Variants in FRMD5 observed in about 807,000 individuals in gnomAD.
FRMD5 encodes FERM domain-containing protein 5.
A neutral mutation model predicts 69.0 loss-of-function variants in FRMD5; 20 were observed. That is an observed-to-expected ratio of 0.29 (90% CI 0.20 to 0.42). The LOEUF is 0.42. Ranked by LOEUF, FRMD5 falls within the 10% of genes least tolerant of loss-of-function variation. FRMD5 has a pLI of 1.00. For missense variants in FRMD5, 595 were observed against 708.6 expected (o/e 0.84, Z 1.82); for synonymous variants, 271 against 260.1 (o/e 1.04, Z -0.40).
intron 1 of FRMD5, among the ~76,000 whole-genome samples, chr15:43,993,836 C>T (rs1224639943): frequency 1.3e-5 from 2 of 152,036 alleles, no homozygotes; most frequent in African/African-American, 2.4e-5. Flanking sequence ...ATATAATGAC[C>T]TTGTCTCATT....
intron 1 of FRMD5, among the ~76,000 whole-genome samples, chr15:43,994,558 G>A (rs1349692775): frequency 1.3e-5 from 2 of 152,122 alleles, no homozygotes; most frequent in East Asian, 1.9e-4. Flanking sequence ...AGCCTCCTGC[G>A]TAGCTGGTAC....
At chr15:43,942,089 G>A (rs915494353) in intron 1 of FRMD5, among the ~76,000 whole-genome samples, 7 of 152,200 alleles carry the variant, frequency 4.6e-5, no homozygotes, top group African/African-American at 1.7e-4. Flanking sequence ...TGCTGGTATA[G>A]GGGTAGAGGG....
At chr15:44,109,234 T>G (rs930703176) in intron 1 of FRMD5, among the ~76,000 whole-genome samples, 1 of 152,080 alleles carries the variant, frequency 6.6e-6, no homozygotes, top group African/African-American at 2.4e-5. Flanking sequence ...TTGCATTCTT[T>G]TCATCCAGCT....
intron 10 of FRMD5, among the ~76,000 whole-genome samples, chr15:43,887,634 C>T (rs770979183): frequency 2.6e-5 from 4 of 152,202 alleles, no homozygotes; most frequent in Non-Finnish European, 4.4e-5. Flanking sequence ...CCATAGCAGC[C>T]AGCAGGCAGC....
At chr15:43,996,432 G>A (rs1256875672) in intron 1 of FRMD5, among the ~76,000 whole-genome samples, 2 of 152,122 alleles carry the variant, frequency 1.3e-5, no homozygotes, top group East Asian at 3.9e-4. Flanking sequence ...AGTGTGACGA[G>A]GGTAACGTAA....
At chr15:44,006,959 T>TA (rs1002475858) in intron 1 of FRMD5, among the ~76,000 whole-genome samples, 2 of 152,184 alleles carry the variant, frequency 1.3e-5, no homozygotes, top group East Asian at 3.8e-4. Context: ...AAAATGCAGT[T>TA]AAACAGCATT....
Position 44,058,964 on chromosome 15 carries a change from TC to T in FRMD5, c.103-134656del, listed in dbSNP as rs898083323. Among the ~76,000 whole-genome samples, 24 of 152,160 alleles carry T rather than the reference TC, an allele frequency of 1.6e-4. 1 individual carries two copies. The highest frequency in any genetic ancestry group is 5.3e-4 in the African/African-American group (22 of 41,432). On this transcript the variant is annotated intron_variant, in intron 1 of 13. Coordinates refer to ENST00000417257, the MANE Select transcript of FRMD5 (RefSeq NM_032892.5). ...AGGGGAAGCATATAGTAACTTTATT[TC>T]TGTTTGACACTAAATTTCCCCAAGC...
intron 1 of FRMD5, among the ~76,000 whole-genome samples, chr15:43,996,714 G>GTTTT (rs1491101376): frequency 1.2e-4 from 6 of 48,074 alleles, no homozygotes; most frequent in Non-Finnish European, 2.4e-4. Context: ...CTCCTCAGCT[G>GTTTT]ATTTTTTTTT....
chr15:43,931,377 G>GTCTC (rs1183128142), intron 1 of FRMD5, among the ~76,000 whole-genome samples: 5 of 151,140 alleles, frequency 3.3e-5, no homozygotes, highest in Admixed American at 3.3e-4. Context: ...TCTATTCTCT[G>GTCTC]TCTCTCTCTC....
intron 1 of FRMD5, among the ~76,000 whole-genome samples, chr15:43,993,606 G>A (rs897562699): frequency 6.6e-5 from 10 of 152,222 alleles, no homozygotes; most frequent in Admixed American, 4.6e-4. Context: ...TCGATGTAAA[G>A]TACAGTTTAA....
rs775430626 is a variant in FRMD5 at position 43,938,231 on chromosome 15, CA to C, written c.103-13923del. Among the ~76,000 whole-genome samples the C allele has an allele frequency of 4.9e-3, 316 of 65,134 alleles. 1 individual carries two copies. The highest frequency in any genetic ancestry group is 6.3e-3 in the South Asian group (11 of 1,736). The allele number at this position is 65,134 out of a possible 152,430, so 42.7% of individuals were successfully genotyped here. A position where few individuals can be genotyped will look rare whatever the true frequency, so the allele number is the denominator to read the frequency against. On this transcript the variant is annotated intron_variant, in intron 1 of 13. Coordinates refer to ENST00000417257, the MANE Select transcript of FRMD5 (RefSeq NM_032892.5). ...TGGGCGAAAGAGCGAGACTCCGTCT[CA>C]AAAAAAAAAAAAAAAAAAAGCCTAC...
At chr15:44,161,500 C>G (rs1228750565) in intron 1 of FRMD5, among the ~76,000 whole-genome samples, 2 of 152,220 alleles carry the variant, frequency 1.3e-5, no homozygotes, top group Non-Finnish European at 2.9e-5. Flanking sequence ...ATATTAATAT[C>G]TGCAAGCAAC....
chr15:44,063,547 T>G (rs895505898), intron 1 of FRMD5: 9 of 505,778 alleles, frequency 1.8e-5, no homozygotes, highest in Non-Finnish European at 3.1e-5. Context: ...TGAATTTAGT[T>G]GTACTGGTCA....
intron 1 of FRMD5, among the ~76,000 whole-genome samples, chr15:44,027,219 C>A (rs1891466623): frequency 6.6e-6 from 1 of 152,002 alleles, no homozygotes; most frequent in African/African-American, 2.4e-5. Flanking sequence ...ACTTTCTATC[C>A]TTTAATTACT....
chr15:43,914,657 T>C (rs531692021), intron 4 of FRMD5, among the ~76,000 whole-genome samples: 1 of 151,732 alleles, frequency 6.6e-6, no homozygotes, highest in African/African-American at 2.4e-5. Context: ...AAGACTCACA[T>C]TTACTGAGTG....
intron 1 of FRMD5, among the ~76,000 whole-genome samples, chr15:44,138,605 T>A (rs2140438267): frequency 6.6e-6 from 1 of 152,294 alleles, no homozygotes; most frequent in Non-Finnish European, 1.5e-5. Flanking sequence ...ACAATGACCA[T>A]GTTACACTAA....
rs141445015 is a variant in FRMD5, at chr15:44,179,028, C to T, written c.102+15925G>A. Among the ~76,000 whole-genome samples the T allele has an allele frequency of 3.7e-3, 549 of 149,974 alleles. 1 individual carries two copies. Among genetic ancestry groups the T allele is most frequent in the African/African-American group, 0.013 (522 of 40,588 alleles). Reference sequence around the variant, plus strand: ...AATAAATAAATAAATAAATAAATACCCAAGTCTAATCAAAGTAAACAGTAT... The same window carrying T: ...AATAAATAAATAAATAAATAAATACTCAAGTCTAATCAAAGTAAACAGTAT... On this transcript the variant is annotated intron_variant, in intron 1 of 13. Coordinates refer to ENST00000417257, the MANE Select transcript of FRMD5 (RefSeq NM_032892.5).
intron 7 of FRMD5, among the ~76,000 whole-genome samples, chr15:43,900,572 C>CAA (rs1332322130): frequency 9.3e-5 from 14 of 150,942 alleles, no homozygotes; most frequent in Non-Finnish European, 1.6e-4. Flanking sequence ...ACCAAGGGAC[C>CAA]AAAGGACACT....
chr15:43,975,004 G>A (rs2090442200), intron 1 of FRMD5, among the ~76,000 whole-genome samples: 1 of 152,218 alleles, frequency 6.6e-6, no homozygotes, highest in African/African-American at 2.4e-5. Context: ...TCTGCCCAGT[G>A]ATGCGGAATT....
Sources: allele counts gnomAD v4.1 joint callset (sites outside exome capture counted in the v4.1 genomes callset), GRCh38; gene constraint gnomAD v4.1.1; transcripts MANE v1.5; gene names NCBI Gene and HGNC (gene_info 2026-07-23, HGNC 2026-07-21).